CEP72: variants seen among roughly 807,000 people sequenced by gnomAD.
The protein encoded by CEP72 is centrosomal protein of 72 kDa.
In CEP72, 78 loss-of-function variants were observed where a neutral mutation model predicts 65.7. The observed-to-expected ratio is 1.19, with a 90% confidence interval of 0.99 to 1.43. CEP72 has a LOEUF of 1.43. Among genes scored for constraint, CEP72 ranks in the 40% most tolerant of loss-of-function variants. CEP72 has a pLI of 0.00. For synonymous variants in CEP72, 358 were observed against 351.7 expected, an observed-to-expected ratio of 1.02 and a Z score of -0.20; for missense variants, 914 against 832.9, an observed-to-expected ratio of 1.10 and a Z score of -1.20.
chr5:664,928 G>A, intron 2 of CEP72: 2 of 686,706 alleles, frequency 2.9e-6, no homozygotes, highest in South Asian at 3.8e-5. Flanking sequence ...GGAGTGCTGG[G>A]GGCATCCGGT....
At position 625,654 on chromosome 5, in the gene CEP72, C is replaced by T. The variant is rs1736706514; in HGVS notation, c.512+1075C>T. Reference sequence around the variant, plus strand: ...ATACCTGTCCTGCAGCCCCCATCACCCCATTTCAAACCAGACTACTTGCTG... The same window carrying T: ...ATACCTGTCCTGCAGCCCCCATCACTCCATTTCAAACCAGACTACTTGCTG... On this transcript the variant is annotated intron_variant, in intron 4 of 11. Transcript: ENST00000264935. Among the ~76,000 whole-genome samples the T allele has an allele frequency of 1.3e-5, 2 of 152,244 alleles. 1 individual carries two copies. Among genetic ancestry groups the T allele is most frequent in the South Asian group, 4.1e-4 (2 of 4,826 alleles).
chr5:648,468 G>GTGTGAGTGTGAGGTGTGACTGTGAGC (rs1738582673), intron 11 of CEP72, among the ~76,000 whole-genome samples: 1 of 145,532 alleles, frequency 6.9e-6, no homozygotes, highest in Non-Finnish European at 1.5e-5. Context: ...TGACTGTGAG[G>GTGTGAGTGTGAGGTGTGACTGTGAGC]TGTGACTGTG....
At chr5:666,077 G>T (rs755620478) in exon 4 of CEP72, 1 of 1,612,332 alleles carries the variant, frequency 6.2e-7, no homozygotes, top group Admixed American at 1.7e-5. Context: ...AGCTCCTCCA[G>T]CGCCTCCTGG....
At chr5:651,952 C>T (rs879050958) in intron 11 of CEP72, among the ~76,000 whole-genome samples, 7 of 152,154 alleles carry the variant, frequency 4.6e-5, no homozygotes, top group Admixed American at 1.3e-4. Flanking sequence ...CAGGCTCTGC[C>T]CCTTACAGGA....
At chr5:668,586 G>A (rs763440458), downstream of CEP72, among the ~76,000 whole-genome samples, 262 of 152,388 alleles carry the variant, frequency 1.7e-3, 2 homozygotes, top group Non-Finnish European at 3.0e-3. Flanking sequence ...GCAGGCCGCG[G>A]GGTGGGGGCC....
intron 8 of CEP72, 42 bp downstream of exon 8, chr5:639,266 C>G: frequency 1.3e-6 from 2 of 1,523,920 alleles, no homozygotes; most frequent in Non-Finnish European, 1.8e-6. Flanking sequence ...TAGGCAGCGT[C>G]TGTGTGGGTT....
At chr5:628,552 AGTCCCCGGGGAGTGTTCC>A (rs1736933838) in intron 4 of CEP72, among the ~76,000 whole-genome samples, 2 of 27,994 alleles carry the variant, frequency 7.1e-5, no homozygotes, top group African/African-American at 4.8e-4. Context: ...CTCAGGTTGC[AGTCCCCGGGGAGTGTTCC>A]CAGGACCCAG....
chr5:641,339 G>A, intron 9 of CEP72: 5 of 985,472 alleles, frequency 5.1e-6, no homozygotes, highest in South Asian at 4.7e-5. Context: ...GAGTCCTGGT[G>A]TGAGGGCAGA....
At chr5:658,712 A>C (rs1739459353), downstream of CEP72, among the ~76,000 whole-genome samples, 1 of 107,136 alleles carries the variant, frequency 9.3e-6, no homozygotes, top group African/African-American at 3.6e-5. Flanking sequence ...TCTATTGCCC[A>C]GGCTGGAGTG....
At position 645,972 on chromosome 5, in the gene CEP72, G is replaced by A. The variant is rs1287816741; in HGVS notation, c.1666+1547G>A. Among the ~76,000 whole-genome samples, 2 of 151,828 alleles carry A rather than the reference G, an allele frequency of 1.3e-5. No homozygotes were observed. The highest frequency in any genetic ancestry group is 2.4e-5 in the African/African-American group (1 of 41,300). ...TCCTGCTCCCGTTGGCGCCCTGTGT[G>A]GATGGTGAATTCGGCTTCCTTACAC... On this transcript the variant is annotated intron_variant, in intron 10 of 11. Coordinates refer to ENST00000264935, the MANE Select transcript of CEP72 (RefSeq NM_018140.4). The surrounding 1 kb of genome is among the most constrained non-coding windows in gnomAD (Gnocchi z 4.0).
downstream of CEP72, among the ~76,000 whole-genome samples, chr5:669,751 C>T (rs1172370148): frequency 7.9e-5 from 12 of 152,178 alleles, no homozygotes; most frequent in South Asian, 2.1e-4. Flanking sequence ...GGGGAAAGGG[C>T]GCCCGGGTCT....
chr5:639,589 G>A (rs527770042), intron 8 of CEP72, among the ~76,000 whole-genome samples: 2 of 152,350 alleles, frequency 1.3e-5, no homozygotes, highest in African/African-American at 4.8e-5. Context: ...CGACCCAGAC[G>A]TGTAGCCTGT....
At chr5:651,581 A>G (rs1026756531) in intron 11 of CEP72, among the ~76,000 whole-genome samples, 2 of 151,830 alleles carry the variant, frequency 1.3e-5, no homozygotes, top group Non-Finnish European at 2.9e-5. Flanking sequence ...CTCCCTGGCT[A>G]TAGGGGGATG....
downstream of CEP72, among the ~76,000 whole-genome samples, chr5:655,302 T>C (rs1580052854): frequency 6.6e-6 from 1 of 151,768 alleles, no homozygotes; most frequent in Non-Finnish European, 1.5e-5. The surrounding 1 kb of genome is among the most constrained non-coding windows in gnomAD (Gnocchi z 5.0). Flanking sequence ...GAGGTTGCAG[T>C]GAGCCAAGAT....
rs1256489755 is a variant in CEP72 at position 624,496 on chromosome 5, G to A, written c.429G>A (p.Glu143=). 1 of 1,614,060 alleles carries A rather than the reference G, an allele frequency of 6.2e-7. No homozygotes were observed. The highest frequency in any genetic ancestry group is 1.3e-5 in the African/African-American group (1 of 74,934). The part of the protein sequence containing the change: ...QLDDRPVRAS[E]RKASRLHFAS... ...ACGATCGCCCCGTGAGAGCAAGCGA[G>A]CGGAAGGCTTCCCGACTGCATTTTG... is the stretch of plus-strand genomic sequence containing the variant. The change falls in exon 4 of 12, where the codon GAG becomes GAA. Residue 143 remains glutamate, a synonymous_variant. Coordinates refer to ENST00000264935, the MANE Select transcript of CEP72 (RefSeq NM_018140.4). This position sits in a 1 kb window ranked among gnomAD's most constrained non-coding sequence, Gnocchi z 4.7.
chr5:675,482 A>AGGGGTGCAGTGTGGCTG, the CEP72 span, among the ~76,000 whole-genome samples: 6 of 91,138 alleles, frequency 6.6e-5, no homozygotes, highest in Admixed American at 1.3e-4. Flanking sequence ...CAGTGTGGCC[A>AGGGGTGCAGTGTGGCTG]GGGGTACATT....
intron 11 of CEP72, among the ~76,000 whole-genome samples, chr5:651,816 C>T (rs773449392): frequency 6.6e-6 from 1 of 151,662 alleles, no homozygotes; most frequent in Non-Finnish European, 1.5e-5. Context: ...AGTTCCTCCC[C>T]CTCCCCTCCC....
chr5:651,185 T>A (rs1739042677), intron 11 of CEP72, among the ~76,000 whole-genome samples: 1 of 65,306 alleles, frequency 1.5e-5, no homozygotes, highest in Non-Finnish European at 2.8e-5. Context: ...GGTGTTACTG[T>A]GAGGCGTGGA....
At chr5:663,165 A>C (rs879117029) in intron 1 of CEP72, 1 of 96,858 alleles carries the variant, frequency 1.0e-5, no homozygotes, top group Non-Finnish European at 2.7e-5. Context: ...GGTGAGTCCG[A>C]TGACTGCTCG....
Sources: allele counts gnomAD v4.1 joint callset (sites outside exome capture counted in the v4.1 genomes callset), GRCh38; gene constraint gnomAD v4.1.1; non-coding constraint Gnocchi (gnomAD v3.1); transcripts MANE v1.5; gene names NCBI Gene and HGNC (gene_info 2026-07-23, HGNC 2026-07-21).